The following PPM1H variants were observed in gnomAD, a reference collection of about 807,000 sequenced individuals.
PPM1H encodes the protein protein phosphatase, Mg2+/Mn2+ dependent 1H, also known as protein phosphatase 1H.
A neutral mutation model predicts 54.9 loss-of-function variants in PPM1H; 27 were observed. That is an observed-to-expected ratio of 0.49 (90% CI 0.36 to 0.68). The LOEUF is 0.68. Ranked by LOEUF, PPM1H falls within the 30% of genes least tolerant of loss-of-function variation. The pLI is 0.00. For synonymous variants in PPM1H, 305 were observed against 270.8 expected, an observed-to-expected ratio of 1.13 and a Z score of -1.24; for missense variants, 596 against 667.8, an observed-to-expected ratio of 0.89 and a Z score of 1.19.
chr12:62,702,544 C>CAGAG (rs66497730), intron 6 of PPM1H, among the ~76,000 whole-genome samples: 28,892 of 140,562 alleles, frequency 0.21, 2,957 homozygotes, highest in South Asian at 0.29. Flanking sequence ...CCTTGAGCTA[C>CAGAG]AGAGAGAGAG....
chr12:62,904,712 T>C (rs1871257179), intron 1 of PPM1H, among the ~76,000 whole-genome samples: 1 of 152,166 alleles, frequency 6.6e-6, no homozygotes. Context: ...GAGGTTGGTG[T>C]GAGCTATTCA....
intron 1 of PPM1H, among the ~76,000 whole-genome samples, chr12:62,833,472 T>C (rs1183107885): frequency 6.6e-6 from 1 of 152,152 alleles, no homozygotes; most frequent in African/African-American, 2.4e-5. Flanking sequence ...TATAAGACAG[T>C]ACAATATCAA....
intron 3 of PPM1H, among the ~76,000 whole-genome samples, chr12:62,800,618 T>G (rs1422393289): frequency 1.3e-5 from 2 of 152,162 alleles, no homozygotes; most frequent in African/African-American, 4.8e-5. Context: ...ATTACAGGCA[T>G]GAACCACCGT....
chr12:62,873,104 A>G (rs945162980), intron 1 of PPM1H, among the ~76,000 whole-genome samples: 1 of 152,218 alleles, frequency 6.6e-6, no homozygotes, highest in Admixed American at 6.5e-5. Context: ...TGGCAGGGTT[A>G]GGACTCTATT....
intron 2 of PPM1H, among the ~76,000 whole-genome samples, chr12:62,817,467 AAAAC>A (rs199908622): frequency 0.064 from 9,718 of 151,296 alleles, 407 homozygotes; most frequent in Middle Eastern, 0.12. Context: ...GTCTCAAAAA[AAAAC>A]AAACAAACAA....
intron 8 of PPM1H, among the ~76,000 whole-genome samples, chr12:62,688,482 C>T (rs573417323): frequency 2.6e-5 from 4 of 152,082 alleles, no homozygotes; most frequent in Admixed American, 1.3e-4. Flanking sequence ...CTAATACTAT[C>T]GGTTAGACTT....
chr12:62,652,440 C>T (rs1498715), intron 9 of PPM1H, among the ~76,000 whole-genome samples: 46,888 of 152,084 alleles, frequency 0.31, 7,368 homozygotes, highest in Middle Eastern at 0.41. Flanking sequence ...AAACAAAATC[C>T]ATATAGTCAC....
intron 2 of PPM1H, among the ~76,000 whole-genome samples, chr12:62,820,754 C>G (rs779016936): frequency 3.9e-5 from 6 of 152,122 alleles, no homozygotes; most frequent in Non-Finnish European, 7.4e-5. Flanking sequence ...ACACCAACAC[C>G]CCATCTGTAG....
At chr12:62,838,126 T>A (rs950747766) in intron 1 of PPM1H, among the ~76,000 whole-genome samples, 2 of 152,034 alleles carry the variant, frequency 1.3e-5, no homozygotes, top group African/African-American at 2.4e-5. Context: ...AAATAGAGAA[T>A]CTTCTTTTGT....
chr12:62,685,066 G>C (rs541965587), intron 8 of PPM1H, among the ~76,000 whole-genome samples: 8 of 152,102 alleles, frequency 5.3e-5, no homozygotes, highest in African/African-American at 1.9e-4. Flanking sequence ...TCTCCATCTG[G>C]AAACATTTAA....
chr12:62,844,421 A>C lies in PPM1H; in HGVS notation c.246-12142T>G, dbSNP rs569551678. 2.0e-5 allele frequency among the ~76,000 whole-genome samples: 3 copies of C among 152,222 alleles called. No individual in the cohort carries two copies. The highest frequency in any genetic ancestry group is 4.4e-5 in the Non-Finnish European group (3 of 68,034). ...TGCTTCTTCATTGCTAATCATTTAT[A>C]GGAAAAAGCAGAAATAGCAACTGCA... On this transcript the variant is annotated intron_variant, in intron 1 of 9. Transcript: ENST00000228705. This position sits in a 1 kb window ranked among gnomAD's most constrained non-coding sequence, Gnocchi z 5.2.
rs150527985 is a variant in PPM1H, at chr12:62,680,343, T to A, written c.1245+9356A>T. On this transcript the variant is annotated intron_variant, in intron 8 of 9. Transcript: ENST00000228705. ...TCTCTCTCTCTTTCTTTCTGTTTCT[T>A]TCTTTCTTCCTTTCTTTCTTTCAAG... Among the ~76,000 whole-genome samples, 765 of 151,664 alleles carry A rather than the reference T, an allele frequency of 5.0e-3. 13 individuals are homozygous for A. The highest frequency in any genetic ancestry group is 0.018 in the African/African-American group (727 of 41,236).
At chr12:62,829,508 A>C (rs529121743) in intron 2 of PPM1H, among the ~76,000 whole-genome samples, 2 of 152,212 alleles carry the variant, frequency 1.3e-5, no homozygotes, top group South Asian at 4.1e-4. Context: ...TGTTATGTAC[A>C]TTTTACCACA....
intron 4 of PPM1H, among the ~76,000 whole-genome samples, chr12:62,775,618 T>TACAC (rs58622527): frequency 4.6e-5 from 7 of 151,836 alleles, no homozygotes; most frequent in African/African-American, 1.7e-4. Context: ...AATGAGTGTG[T>TACAC]ACACACACAC....
chr12:62,670,096 G>T (rs1318643057), intron 8 of PPM1H, among the ~76,000 whole-genome samples: 1 of 141,736 alleles, frequency 7.1e-6, no homozygotes, highest in African/African-American at 2.6e-5. Flanking sequence ...TCCTGCTTCA[G>T]CCTCCCTAGT....
At chr12:62,706,299 C>T (rs1455285548) in intron 6 of PPM1H, among the ~76,000 whole-genome samples, 3 of 152,206 alleles carry the variant, frequency 2.0e-5, no homozygotes, top group Non-Finnish European at 2.9e-5. Context: ...CTGAAATCTT[C>T]TACTAACCCC....
intron 1 of PPM1H, among the ~76,000 whole-genome samples, chr12:62,878,998 T>C (rs943835425): frequency 3.9e-5 from 6 of 152,210 alleles, no homozygotes; most frequent in Non-Finnish European, 8.8e-5. Context: ...AAAAATATTT[T>C]CCCTCGTTCA....
intron 4 of PPM1H, among the ~76,000 whole-genome samples, chr12:62,754,846 T>C (rs2076461754): frequency 6.6e-6 from 1 of 152,190 alleles, no homozygotes; most frequent in Non-Finnish European, 1.5e-5. Flanking sequence ...AGTCGAAATG[T>C]AACAAAATGG....
At chr12:62,916,396 T>C (rs576172861) in intron 1 of PPM1H, among the ~76,000 whole-genome samples, 1 of 152,340 alleles carries the variant, frequency 6.6e-6, no homozygotes, top group Non-Finnish European at 1.5e-5. Flanking sequence ...TGTTTTGGTA[T>C]CTGTCTCATA....
Sources: gnomAD v4.1 joint callset for allele counts (sites outside exome capture counted in the v4.1 genomes callset) on GRCh38, gnomAD v4.1.1 for gene constraint, Gnocchi (gnomAD v3.1) non-coding constraint, MANE v1.5 for transcripts, NCBI Gene and HGNC (gene_info 2026-07-23, HGNC 2026-07-21) for gene names.